Variants in SLC9A9 observed in about 807,000 individuals in gnomAD.
The protein encoded by SLC9A9 is solute carrier family 9 member A9, also known as sodium/hydrogen exchanger 9.
Under a neutral mutation model 77.8 loss-of-function variants are expected in SLC9A9, and 62 were observed. The observed-to-expected ratio is 0.80, with a 90% CI of 0.65 to 0.98. The LOEUF (loss-of-function observed/expected upper bound fraction) is 0.98. SLC9A9 is among the 50% of genes least tolerant of loss of function. SLC9A9 has a pLI of 0.00. For synonymous variants in SLC9A9, 320 were observed against 283.5 expected (o/e 1.13, Z -1.29); for missense variants, 775 against 774.9 (o/e 1.00, Z 0.00).
chr3:143,681,281 G>A (rs542824252), intron 5 of SLC9A9, among the ~76,000 whole-genome samples: 37 of 151,956 alleles, frequency 2.4e-4, no homozygotes, highest in African/African-American at 8.4e-4. Context: ...TAAATACTTT[G>A]AATTATATTT....
intron 12 of SLC9A9, among the ~76,000 whole-genome samples, chr3:143,393,378 A>T (rs191884737): frequency 3.1e-4 from 47 of 152,362 alleles, no homozygotes; most frequent in South Asian, 2.1e-3. Flanking sequence ...TGAAGGCAGA[A>T]ATAAAGATGT....
At chr3:143,350,327 C>T (rs1463649743) in intron 14 of SLC9A9, among the ~76,000 whole-genome samples, 1 of 152,174 alleles carries the variant, frequency 6.6e-6, no homozygotes, top group East Asian at 1.9e-4. Flanking sequence ...GTGACTTCTC[C>T]CTAATCACTG....
At chr3:143,771,899 C>T (rs548035721) in intron 4 of SLC9A9, among the ~76,000 whole-genome samples, 1 of 152,188 alleles carries the variant, frequency 6.6e-6, no homozygotes, top group South Asian at 2.1e-4. Flanking sequence ...AGAAGAAGTC[C>T]CCTTTCCAGG....
At chr3:143,742,508 T>C (rs1274589624) in intron 4 of SLC9A9, among the ~76,000 whole-genome samples, 1 of 152,176 alleles carries the variant, frequency 6.6e-6, no homozygotes, top group Non-Finnish European at 1.5e-5. Flanking sequence ...TGTATTTCAG[T>C]AGAGGGCCAA....
chr3:143,668,938 T>A (rs1330767863), intron 5 of SLC9A9, among the ~76,000 whole-genome samples: 2 of 152,002 alleles, frequency 1.3e-5, no homozygotes, highest in Non-Finnish European at 2.9e-5. Context: ...TCTTGGCCGC[T>A]TTTCAAGAAA....
intron 14 of SLC9A9, among the ~76,000 whole-genome samples, chr3:143,283,402 T>G (rs557547147): frequency 6.6e-6 from 1 of 152,288 alleles, no homozygotes; most frequent in South Asian, 2.1e-4. Flanking sequence ...GCCCTTATAC[T>G]TTCCTGTATA....
chr3:143,646,532 AT>A (rs899962361), intron 6 of SLC9A9, among the ~76,000 whole-genome samples: 10 of 149,556 alleles, frequency 6.7e-5, no homozygotes, highest in African/African-American at 2.5e-4. Context: ...CCATCAATAT[AT>A]TTTTTCTTTA....
chr3:143,722,212 G>A (rs947769761), intron 4 of SLC9A9, among the ~76,000 whole-genome samples: 1 of 152,076 alleles, frequency 6.6e-6, no homozygotes, highest in African/African-American at 2.4e-5. Flanking sequence ...GGTGGCTCAC[G>A]CCTGTAATCC....
Position 143,578,658 on chromosome 3 carries a change from G to A in SLC9A9, c.821C>T (p.Ser274Phe). The A allele has an allele frequency of 6.2e-7, 1 of 1,614,082 alleles. No individual in the cohort carries two copies. Among genetic ancestry groups the A allele is most frequent in the South Asian group, 1.1e-5 (1 of 91,088 alleles). The change falls in exon 7 of 16, where the codon TCT (serine) becomes TTT (phenylalanine). Residue 274 changes from serine (S) to phenylalanine (F), a missense_variant. Coordinates refer to ENST00000316549, the MANE Select transcript of SLC9A9 (RefSeq NM_173653.4). Reference sequence around the variant, plus strand: ...GAAGATTCCCAGGAAATTCCCCACAGACTGGAAGAATGCTGCGGCATCAAA... The same window carrying A: ...GAAGATTCCCAGGAAATTCCCCACAAACTGGAAGAATGCTGCGGCATCAAA... ...NAFDAAAFFQ[S>F]VGNFLGIFAG...
chr3:143,524,870 T>G (rs2036377761), intron 9 of SLC9A9, among the ~76,000 whole-genome samples: 1 of 152,210 alleles, frequency 6.6e-6, no homozygotes, highest in Non-Finnish European at 1.5e-5. Context: ...TTTGCTTCTT[T>G]GTACATGTCT....
At chr3:143,344,490 A>G (rs1483835804) in intron 14 of SLC9A9, 6 of 152,224 alleles carry the variant, frequency 3.9e-5, no homozygotes, top group Non-Finnish European at 7.3e-5. Flanking sequence ...TCTCTTAAAA[A>G]ATCCAATATG....
chr3:143,745,504 T>A (rs371258779), intron 4 of SLC9A9, among the ~76,000 whole-genome samples: 1 of 152,346 alleles, frequency 6.6e-6, no homozygotes, highest in Non-Finnish European at 1.5e-5. Context: ...AACACTAAAA[T>A]CATCCTTCAT....
chr3:143,779,371 TTTTG>T (rs921501456), intron 4 of SLC9A9, among the ~76,000 whole-genome samples: 21 of 152,198 alleles, frequency 1.4e-4, no homozygotes, highest in East Asian at 5.8e-4. Context: ...TTTTTGGGTT[TTTTG>T]TTTGTTTGTT....
At chr3:143,475,588 C>A (rs986039529) in intron 11 of SLC9A9, among the ~76,000 whole-genome samples, 1 of 151,846 alleles carries the variant, frequency 6.6e-6, no homozygotes, top group African/African-American at 2.4e-5. Flanking sequence ...GTCAGGAGAT[C>A]GAGACCATCC....
At chr3:143,362,737 C>T (rs1042976152) in intron 14 of SLC9A9, among the ~76,000 whole-genome samples, 2 of 152,166 alleles carry the variant, frequency 1.3e-5, no homozygotes, top group African/African-American at 2.4e-5. Context: ...TTTACAGTGC[C>T]GTTCTTTCCT....
intron 12 of SLC9A9, among the ~76,000 whole-genome samples, chr3:143,458,897 C>T (rs905668558): frequency 1.3e-5 from 2 of 152,078 alleles, no homozygotes; most frequent in Non-Finnish European, 2.9e-5. Flanking sequence ...CATATGAATA[C>T]ATTCCTTTGG....
intron 11 of SLC9A9, among the ~76,000 whole-genome samples, chr3:143,487,967 A>G (rs1251565575): frequency 6.6e-6 from 1 of 151,786 alleles, no homozygotes; most frequent in Non-Finnish European, 1.5e-5. Flanking sequence ...CTTTGGAAAG[A>G]GCAATAAAAT....
chr3:143,381,956 C>T (rs2033313466), intron 13 of SLC9A9, 104 bp downstream of exon 13: 10 of 1,325,754 alleles, frequency 7.5e-6, no homozygotes, highest in African/African-American at 2.9e-5. Flanking sequence ...GAGGAAGCTC[C>T]GTTTAGAAAT....
intron 14 of SLC9A9, among the ~76,000 whole-genome samples, chr3:143,319,847 G>C (rs2108445029): frequency 6.6e-6 from 1 of 152,308 alleles, no homozygotes; most frequent in East Asian, 1.9e-4. Flanking sequence ...AGAAAGTCAA[G>C]GTCTGGTGGG....
Sources: allele counts gnomAD v4.1 joint callset (sites outside exome capture counted in the v4.1 genomes callset), GRCh38; gene constraint gnomAD v4.1.1; transcripts MANE v1.5; gene names NCBI Gene and HGNC (gene_info 2026-07-23, HGNC 2026-07-21).